Variants in PCDHGA6 observed in about 807,000 individuals in gnomAD.
The protein encoded by PCDHGA6 is protocadherin gamma subfamily A, 6.
Under a neutral mutation model 60.6 loss-of-function variants are expected in PCDHGA6, and 41 were observed. That is an observed-to-expected ratio of 0.68 (90% CI 0.53 to 0.88). The LOEUF (loss-of-function observed/expected upper bound fraction) is 0.88, where lower values mean the gene tolerates loss of function less well. Among genes scored for constraint, PCDHGA6 ranks in the 40% least tolerant of loss-of-function variants. The probability of loss-of-function intolerance (pLI) is 0.00; values close to 1 mark genes in which losing one functional copy is unlikely to be tolerated. For synonymous variants in PCDHGA6, 594 were observed against 524.4 expected (o/e 1.13, Z -1.81); for missense variants, 1,312 against 1,203.0 (o/e 1.09, Z -1.34).
intron 1 of PCDHGA6, chr5:141,408,283 C>A: frequency 6.2e-7 from 1 of 1,612,756 alleles, no homozygotes; most frequent in Non-Finnish European, 8.5e-7. Context: ...TGTTCTACCC[C>A]ACCCTGAGTG....
At chr5:141,395,264 A>G in intron 1 of PCDHGA6, 1 of 1,549,832 alleles carries the variant, frequency 6.5e-7, no homozygotes, top group Non-Finnish European at 8.7e-7. Flanking sequence ...GCTTGCTTTT[A>G]ATTTCCAGAT....
At chr5:141,393,319 G>A (rs2092728293) in intron 1 of PCDHGA6, 1 of 1,612,192 alleles carries the variant, frequency 6.2e-7, no homozygotes, top group Admixed American at 1.7e-5. Flanking sequence ...TCCCTCCAGA[G>A]CTACCAGCTC....
At chr5:141,413,990 A>G (rs1179968710) in intron 1 of PCDHGA6, 6 of 1,613,434 alleles carry the variant, frequency 3.7e-6, no homozygotes, top group Admixed American at 1.7e-5. Context: ...ACAGCCACCG[A>G]CAGGGACGAA....
At chr5:141,461,281 C>T (rs1305044383) in intron 1 of PCDHGA6, among the ~76,000 whole-genome samples, 1 of 152,050 alleles carries the variant, frequency 6.6e-6, no homozygotes, top group Non-Finnish European at 1.5e-5. Flanking sequence ...CTCTTTTCCC[C>T]ACATCCACAC....
intron 1 of PCDHGA6, among the ~76,000 whole-genome samples, chr5:141,457,278 C>T (rs1446074161): frequency 6.6e-6 from 1 of 152,196 alleles, no homozygotes; most frequent in Non-Finnish European, 1.5e-5. Flanking sequence ...TGTGGGCCTA[C>T]GAAGTTCCTT....
chr5:141,383,038 G>A (rs1778741644), intron 1 of PCDHGA6: 1 of 1,613,858 alleles, frequency 6.2e-7, no homozygotes. Context: ...CTTTGTGGGA[G>A]ACATCGCCAA....
Position 141,490,503 on chromosome 5 carries a change from C to A in PCDHGA6, c.2425-4304C>A, listed in dbSNP as rs2099701103. On this transcript the variant is annotated intron_variant, in intron 1 of 3. Coordinates refer to ENST00000517434, the MANE Select transcript of PCDHGA6 (RefSeq NM_018919.3). The surrounding 1 kb of genome is among the most constrained non-coding windows in gnomAD (Gnocchi z 5.4). ...ACCGGGAGGCCACATCCCACTATAT[C>A]ATCGAGCTGCTGGCCAGCGATGCTG... 3.7e-6 allele frequency: 6 copies of A among 1,614,206 alleles called. No individual in the cohort carries two copies. In the African/African-American group the frequency reaches 8.0e-5, roughly 22 times the overall value.
intron 1 of PCDHGA6, chr5:141,393,111 C>T (rs762190466): frequency 1.2e-6 from 2 of 1,613,380 alleles, no homozygotes; most frequent in African/African-American, 2.7e-5. Context: ...CGCTCAGAGC[C>T]CGCGGTGTCT....
Position 141,489,119 on chromosome 5 carries a change from C to T in PCDHGA6, c.2425-5688C>T, listed in dbSNP as rs1236074950. The T allele has an allele frequency of 2.0e-5, 13 of 650,240 alleles. No individual in the cohort carries two copies. Among genetic ancestry groups the T allele is most frequent in the African/African-American group, 9.1e-5 (5 of 55,178 alleles). 40.3% of individuals were successfully genotyped at this position (650,240 alleles called of 1,614,324 possible). ...GAACTGCTGCAAGCAGGCAAACCTC[C>T]GAGCAGTTTTTAAGAGGCTGGAAGG... On this transcript the variant is annotated intron_variant, in intron 1 of 3. Coordinates refer to ENST00000517434, the MANE Select transcript of PCDHGA6 (RefSeq NM_018919.3). This position sits in a 1 kb window ranked among gnomAD's most constrained non-coding sequence, Gnocchi z 4.5.
chr5:141,491,826 C>G lies in PCDHGA6; in HGVS notation c.2425-2981C>G. ...GGCTTGGTCGCTGGCTGCGCTCCAC[C>G]CGATTCTCGGGATCATTGGACCGTT... On this transcript the variant is annotated intron_variant, in intron 1 of 3. Coordinates refer to ENST00000517434, the MANE Select transcript of PCDHGA6 (RefSeq NM_018919.3). The surrounding 1 kb of genome is among the most constrained non-coding windows in gnomAD (Gnocchi z 6.9). 1 of 1,477,526 alleles carries G rather than the reference C, an allele frequency of 6.8e-7. No individual in the cohort carries two copies. The highest frequency in any genetic ancestry group is 9.0e-7 in the Non-Finnish European group (1 of 1,114,486). 91.5% of individuals were successfully genotyped at this position (1,477,526 alleles called of 1,614,324 possible). A position where few individuals can be genotyped will look rare whatever the true frequency, so the allele number is the denominator to read the frequency against.
chr5:141,421,288 C>T, intron 1 of PCDHGA6: 1 of 1,613,312 alleles, frequency 6.2e-7, no homozygotes, highest in Non-Finnish European at 8.5e-7. Context: ...GTGCATTTTC[C>T]TGGGGACGCT....
At chr5:141,420,887 G>C (rs2096530920) in intron 1 of PCDHGA6, among the ~76,000 whole-genome samples, 1 of 152,204 alleles carries the variant, frequency 6.6e-6, no homozygotes, top group African/African-American at 2.4e-5. Context: ...GTGTATCATC[G>C]TTTTTAAGCT....
rs367914755 is a variant in PCDHGA6 at position 141,399,963 on chromosome 5, C to T, written c.2424+23456C>T. ...TGCTGCAGGCTAGCGAGCCCGGGCT[C>T]TTCAGCCTGGGGCTGCGCACAGGAG... On this transcript the variant is annotated intron_variant, in intron 1 of 3. Transcript: ENST00000517434. 793 of 1,612,310 alleles carry T rather than the reference C, an allele frequency of 4.9e-4. 4 individuals are homozygous for T. Among genetic ancestry groups the T allele is most frequent in the Non-Finnish European group, 3.8e-4 (443 of 1,179,704 alleles).
At chr5:141,430,641 T>C (rs1332550435) in intron 1 of PCDHGA6, 2 of 902,672 alleles carry the variant, frequency 2.2e-6, no homozygotes, top group East Asian at 5.4e-5. Flanking sequence ...TCCCTGGGAG[T>C]ATGTGGAAAC....
intron 1 of PCDHGA6, chr5:141,398,805 T>C: frequency 1.2e-6 from 2 of 1,613,964 alleles, no homozygotes; most frequent in Non-Finnish European, 1.7e-6. Flanking sequence ...GCGGCACCAC[T>C]GAGCTCCGGA....
rs1361609314 is a variant in PCDHGA6 at position 141,423,642 on chromosome 5, TGACCC to T, written c.2424+47139_2424+47143del. 6 of 1,596,888 alleles carry T rather than the reference TGACCC, an allele frequency of 3.8e-6. No individual in the cohort carries two copies. In the South Asian group the frequency reaches 5.7e-5, roughly 15 times the overall value. ...ACTCAGCTATCATTTTAGGCAAATGTGACCCGACAAGTAATCAGGTGAGATTTATT... is the reference window on the plus strand; with the variant it reads ...ACTCAGCTATCATTTTAGGCAAATGTGACAAGTAATCAGGTGAGATTTATT... On this transcript the variant is annotated intron_variant, in intron 1 of 3. Transcript: ENST00000517434.
intron 1 of PCDHGA6, chr5:141,404,600 C>G (rs1406207982): frequency 6.2e-7 from 1 of 1,613,938 alleles, no homozygotes; most frequent in Non-Finnish European, 8.5e-7. Flanking sequence ...GTCATTGAGA[C>G]TGTTTGTTTT....
Position 141,432,124 on chromosome 5 carries a change from C to G in PCDHGA6, c.2424+55617C>G, listed in dbSNP as rs1286909667. On this transcript the variant is annotated intron_variant, in intron 1 of 3. Transcript: ENST00000517434. The surrounding 1 kb of genome is among the most constrained non-coding windows in gnomAD (Gnocchi z 6.0). ...ACAACCCGCCGGTCTTCCCTCAGGC[C>G]TCCTATTCCGCTTATATCCCAGAGA... 6.2e-7 allele frequency: 1 copy of G among 1,614,156 alleles called. No homozygotes were observed. The highest frequency in any genetic ancestry group is 1.1e-5 in the South Asian group (1 of 91,066).
intron 1 of PCDHGA6, 73 bp downstream of exon 1, chr5:141,376,580 C>G (rs1351878933): frequency 1.3e-6 from 2 of 1,589,974 alleles, no homozygotes; most frequent in South Asian, 1.1e-5. Flanking sequence ...ACAGGCTCAT[C>G]AGCTAGATCG....
Sources: allele counts gnomAD v4.1 joint callset (sites outside exome capture counted in the v4.1 genomes callset), GRCh38; gene constraint gnomAD v4.1.1; non-coding constraint Gnocchi (gnomAD v3.1); transcripts MANE v1.5; gene names NCBI Gene and HGNC (gene_info 2026-07-23, HGNC 2026-07-21).